The following SHISAL2B variants were observed in gnomAD, a reference collection of about 807,000 sequenced individuals.
SHISAL2B encodes the protein protein shisa-like-2B.
In SHISAL2B, 12 loss-of-function variants were observed where a neutral mutation model predicts 16.5. That is an observed-to-expected ratio of 0.73 (90% CI 0.47 to 1.18). The LOEUF (loss-of-function observed/expected upper bound fraction) is 1.18, where lower values mean the gene tolerates loss of function less well. Among genes scored for constraint, SHISAL2B ranks in the 50% most tolerant of loss-of-function variants. The pLI, the probability that SHISAL2B is intolerant of heterozygous loss-of-function variation, is 0.00. For missense variants in SHISAL2B, 183 were observed against 193.6 expected (o/e 0.95, Z 0.33); for synonymous variants, 72 against 75.0 (o/e 0.96, Z 0.21).
At position 64,690,745 on chromosome 5, in the gene SHISAL2B, A is replaced by T; in HGVS notation, c.122A>T (p.Asp41Val). Residue 41 changes from aspartate to valine, a missense_variant, in exon 1 of 3, where the codon GAC becomes GTC. Asp to Val is a radical substitution (Grantham distance 152). Transcript: ENST00000389074. Reference protein sequence around the residue: ...AALQYCCGFADLKYCCSEPGS... With the variant: ...AALQYCCGFAVLKYCCSEPGS... ...CTCCAGTATTGCTGCGGCTTCGCCG[A>T]CCTCAAGTACTGCTGCAGCGAGCCG... 1 of 1,540,956 alleles carries T rather than the reference A, an allele frequency of 6.5e-7. No homozygotes were observed.
At chr5:64,714,478 T>C (rs1742007076) in intron 2 of SHISAL2B, among the ~76,000 whole-genome samples, 1 of 150,484 alleles carries the variant, frequency 6.6e-6, no homozygotes, top group Non-Finnish European at 1.5e-5. Flanking sequence ...CTGCAGAGGT[T>C]ACTACTGTCT....
At chr5:64,707,839 C>T (rs1258926576) in intron 2 of SHISAL2B, among the ~76,000 whole-genome samples, 2 of 152,186 alleles carry the variant, frequency 1.3e-5, no homozygotes, top group Non-Finnish European at 2.9e-5. Flanking sequence ...ATGCACTTAA[C>T]TCTGGTCCTG....
intron 2 of SHISAL2B, among the ~76,000 whole-genome samples, chr5:64,700,489 C>A (rs1375292272): frequency 6.6e-6 from 1 of 152,214 alleles, no homozygotes; most frequent in Non-Finnish European, 1.5e-5. Flanking sequence ...TGGCTCACTG[C>A]AACCTCTGCC....
intron 2 of SHISAL2B, among the ~76,000 whole-genome samples, chr5:64,703,568 A>G (rs1454328412): frequency 1.3e-5 from 2 of 152,184 alleles, no homozygotes; most frequent in Non-Finnish European, 2.9e-5. Context: ...TCATGTTCAA[A>G]CCAATAAGCA....
At chr5:64,711,451 T>C (rs1488253004) in intron 2 of SHISAL2B, among the ~76,000 whole-genome samples, 4 of 144,864 alleles carry the variant, frequency 2.8e-5, no homozygotes, top group African/African-American at 1.1e-4. Flanking sequence ...AGTATTTTAT[T>C]GAGGATTTTT....
intron 2 of SHISAL2B, among the ~76,000 whole-genome samples, chr5:64,707,415 G>A (rs182069087): frequency 2.6e-5 from 4 of 151,832 alleles, no homozygotes; most frequent in African/African-American, 7.3e-5. Context: ...AGCCCTCTAC[G>A]GGGACCGTGA....
At chr5:64,717,791 T>C in intron 2 of SHISAL2B, 98 bp from the exon 3 acceptor site, 1 of 1,089,614 alleles carries the variant, frequency 9.2e-7, no homozygotes, top group Non-Finnish European at 1.3e-6. Context: ...GGACATCATA[T>C]TTTCAATATT....
At chr5:64,694,542 G>A (rs751911734) in intron 1 of SHISAL2B, among the ~76,000 whole-genome samples, 3 of 152,090 alleles carry the variant, frequency 2.0e-5, no homozygotes, top group South Asian at 4.1e-4. Flanking sequence ...TGCATCAGAC[G>A]GAATCATTAC....
intron 2 of SHISAL2B, among the ~76,000 whole-genome samples, chr5:64,697,645 T>C (rs1333870431): frequency 6.6e-6 from 1 of 151,988 alleles, no homozygotes; most frequent in Non-Finnish European, 1.5e-5. Context: ...TAAATGGAAT[T>C]TATCAAGAAT....
At chr5:64,706,870 G>A (rs955177751) in intron 2 of SHISAL2B, among the ~76,000 whole-genome samples, 15 of 152,122 alleles carry the variant, frequency 9.9e-5, no homozygotes, top group East Asian at 5.8e-4. Context: ...TGATTTCAAC[G>A]TAGGAAAAAT....
At chr5:64,702,681 T>C (rs1251919172) in intron 2 of SHISAL2B, among the ~76,000 whole-genome samples, 1 of 152,088 alleles carries the variant, frequency 6.6e-6, no homozygotes, top group Non-Finnish European at 1.5e-5. Flanking sequence ...AATTATGTAG[T>C]TGTCGATATT....
intron 2 of SHISAL2B, among the ~76,000 whole-genome samples, chr5:64,702,337 A>G (rs182997915): frequency 2.6e-5 from 4 of 152,154 alleles, no homozygotes; most frequent in African/African-American, 7.2e-5. Flanking sequence ...AGTAGCTGGA[A>G]TTACAGGCAT....
At chr5:64,706,577 G>A (rs1741879381) in intron 2 of SHISAL2B, among the ~76,000 whole-genome samples, 1 of 152,174 alleles carries the variant, frequency 6.6e-6, no homozygotes, top group Non-Finnish European at 1.5e-5. Context: ...GGTTTTGTCT[G>A]ATCTCTCATG....
intron 2 of SHISAL2B, among the ~76,000 whole-genome samples, chr5:64,703,438 C>T (rs911844994): frequency 6.6e-6 from 1 of 152,118 alleles, no homozygotes; most frequent in Non-Finnish European, 1.5e-5. Flanking sequence ...TGTAGAAAAT[C>T]AAATTGCTCA....
intron 2 of SHISAL2B, among the ~76,000 whole-genome samples, chr5:64,709,725 C>A (rs1179776613): frequency 6.6e-6 from 1 of 150,508 alleles, no homozygotes; most frequent in African/African-American, 2.4e-5. Context: ...TTAATGATTG[C>A]CATTCTAACT....
intron 2 of SHISAL2B, among the ~76,000 whole-genome samples, chr5:64,699,011 A>G (rs1741773512): frequency 1.3e-5 from 2 of 152,194 alleles, no homozygotes; most frequent in South Asian, 4.1e-4. Context: ...TTTATTTCAT[A>G]TTGACTTTAG....
chr5:64,717,361 G>A (rs905744140), intron 2 of SHISAL2B, among the ~76,000 whole-genome samples: 1 of 152,066 alleles, frequency 6.6e-6, no homozygotes, highest in Admixed American at 6.5e-5. Context: ...TCTTTGCTAT[G>A]TTTGTTTAGA....
chr5:64,702,221 A>G (rs913465556), intron 2 of SHISAL2B, among the ~76,000 whole-genome samples: 23 of 150,046 alleles, frequency 1.5e-4, no homozygotes, highest in African/African-American at 5.2e-4. Flanking sequence ...TTTTTTTGAG[A>G]TGGAGTTTTG....
intron 2 of SHISAL2B, among the ~76,000 whole-genome samples, chr5:64,706,927 T>C (rs763722426): frequency 2.6e-5 from 4 of 152,272 alleles, no homozygotes; most frequent in African/African-American, 9.6e-5. Flanking sequence ...TTAAAAACAT[T>C]ATTTTGGAGA....
Sources: gnomAD v4.1 joint callset for allele counts (sites outside exome capture counted in the v4.1 genomes callset) on GRCh38, gnomAD v4.1.1 for gene constraint, MANE v1.5 for transcripts, NCBI Gene and HGNC (gene_info 2026-07-23, HGNC 2026-07-21) for gene names.